Variants in NKAIN3 observed in about 807,000 individuals in gnomAD.
NKAIN3 encodes the protein sodium/potassium-transporting ATPase subunit beta-1-interacting protein 3.
In NKAIN3, 25 loss-of-function variants were observed where a neutral mutation model predicts 30.2. The ratio of observed to expected loss-of-function variants is 0.83; its 90% CI spans 0.60 to 1.16. The LOEUF is 1.16. NKAIN3 is among the 50% of genes most tolerant of loss of function. The probability of loss-of-function intolerance (pLI) is 0.00; values close to 1 mark genes in which losing one functional copy is unlikely to be tolerated. For synonymous variants in NKAIN3, 91 were observed against 89.6 expected (o/e 1.02, Z -0.09); for missense variants, 225 against 254.1 (o/e 0.89, Z 0.78).
chr8:62,898,367 G>A (rs1163690175), intron 4 of NKAIN3, among the ~76,000 whole-genome samples: 1 of 152,058 alleles, frequency 6.6e-6, no homozygotes, highest in Non-Finnish European at 1.5e-5. Flanking sequence ...TTCGCACCAG[G>A]GAATACTACC....
intron 3 of NKAIN3, among the ~76,000 whole-genome samples, chr8:62,695,366 T>A (rs1033718474): frequency 2.0e-5 from 3 of 152,122 alleles, no homozygotes; most frequent in African/African-American, 7.2e-5. Flanking sequence ...AGGAACAGCA[T>A]GGAAAGTGAA....
chr8:62,495,331 A>G (rs902269820), intron 1 of NKAIN3, among the ~76,000 whole-genome samples: 1 of 152,122 alleles, frequency 6.6e-6, no homozygotes, highest in Admixed American at 6.6e-5. Flanking sequence ...GTAAAAGGAA[A>G]GACAATCTAT....
At chr8:62,876,410 C>A (rs544936612) in intron 4 of NKAIN3, among the ~76,000 whole-genome samples, 28 of 152,252 alleles carry the variant, frequency 1.8e-4, no homozygotes, top group African/African-American at 6.7e-4. Context: ...TGTGGTGATT[C>A]CTCAATGATC....
At chr8:62,889,644 C>CA (rs1204557916) in intron 4 of NKAIN3, among the ~76,000 whole-genome samples, 1 of 151,972 alleles carries the variant, frequency 6.6e-6, no homozygotes, top group Non-Finnish European at 1.5e-5. Flanking sequence ...TTTTCTGGTT[C>CA]TTGTAAGTTG....
At chr8:62,962,236 TC>T (rs1646803767) in intron 6 of NKAIN3, among the ~76,000 whole-genome samples, 1 of 152,206 alleles carries the variant, frequency 6.6e-6, no homozygotes. Flanking sequence ...TTCACAAAAT[TC>T]TGTGTCCTTT....
intron 1 of NKAIN3, among the ~76,000 whole-genome samples, chr8:62,251,904 G>A (rs1563906670): frequency 6.6e-6 from 1 of 152,088 alleles, no homozygotes; most frequent in Non-Finnish European, 1.5e-5. Context: ...AAAATAATTA[G>A]GAAGGAATAA....
At chr8:62,797,433 G>C (rs553344203) in intron 4 of NKAIN3, among the ~76,000 whole-genome samples, 56 of 152,250 alleles carry the variant, frequency 3.7e-4, no homozygotes, top group African/African-American at 1.2e-3. Flanking sequence ...TTAAAATAAT[G>C]TTGGGAAAAA....
chr8:62,646,344 T>C (rs1812459692), intron 3 of NKAIN3, among the ~76,000 whole-genome samples: 1 of 152,126 alleles, frequency 6.6e-6, no homozygotes, highest in Admixed American at 6.6e-5. Flanking sequence ...CATTCAAAAC[T>C]GCAAAACAGA....
In NKAIN3 at chr8:62,252,569, C is replaced by T. The variant is rs115607418; in HGVS notation, c.54+3442C>T. ...TAGTTTTTCTCCAGGCTTCTGCCCTCAAGATGTTTGCCTCATGGTTTTCAT... is the reference window on the plus strand; with the variant it reads ...TAGTTTTTCTCCAGGCTTCTGCCCTTAAGATGTTTGCCTCATGGTTTTCAT... On this transcript the variant is annotated intron_variant, in intron 1 of 6. Coordinates refer to ENST00000623646, the MANE Select transcript of NKAIN3 (RefSeq NM_001304533.3). Among the ~76,000 whole-genome samples the T allele has an allele frequency of 6.0e-3, 916 of 151,632 alleles. 11 individuals carry two copies. Among genetic ancestry groups the T allele is most frequent in the African/African-American group, 0.021 (853 of 41,342 alleles).
intron 4 of NKAIN3, among the ~76,000 whole-genome samples, chr8:62,791,256 A>G (rs905934585): frequency 6.6e-6 from 1 of 152,240 alleles, no homozygotes; most frequent in African/African-American, 2.4e-5. Flanking sequence ...ACCAACAAGA[A>G]CATAAAATGA....
intron 4 of NKAIN3, chr8:62,855,145 C>T (rs1388719758): frequency 4.3e-6 from 1 of 232,498 alleles, no homozygotes; most frequent in South Asian, 6.5e-5. Flanking sequence ...GAGGACTACA[C>T]CTTCACCGTG....
chr8:62,667,342 ATTCTTTATATATATATC>A (rs1454427261), intron 3 of NKAIN3, among the ~76,000 whole-genome samples: 29,600 of 130,778 alleles, frequency 0.23, 3,366 homozygotes, highest in East Asian at 0.35. Context: ...TTATATATAT[ATTCTTTATATATATATC>A]TGTATATATA....
At chr8:62,433,756 TTTAAA>T (rs1805088354) in intron 1 of NKAIN3, among the ~76,000 whole-genome samples, 1 of 152,136 alleles carries the variant, frequency 6.6e-6, no homozygotes, top group Non-Finnish European at 1.5e-5. Flanking sequence ...AATTTAGTTA[TTTAAA>T]TTAATTGGAT....
Position 62,298,288 on chromosome 8 carries a change from G to A in NKAIN3, c.54+49161G>A, listed in dbSNP as rs868352937. Among the ~76,000 whole-genome samples the A allele has an allele frequency of 6.6e-5, 10 of 152,064 alleles. 1 individual carries two copies. The highest frequency in any genetic ancestry group is 1.9e-4 in the East Asian group (1 of 5,182). Reference sequence around the variant, plus strand: ...GTATACATATGTAACAAATCTGCACGTTGTGCATATGTACCCTAAAACTTA... The same window carrying A: ...GTATACATATGTAACAAATCTGCACATTGTGCATATGTACCCTAAAACTTA... On this transcript the variant is annotated intron_variant, in intron 1 of 6. Coordinates refer to ENST00000623646, the MANE Select transcript of NKAIN3 (RefSeq NM_001304533.3).
chr8:62,617,205 A>T (rs1445624840), intron 3 of NKAIN3, among the ~76,000 whole-genome samples: 1 of 152,142 alleles, frequency 6.6e-6, no homozygotes, highest in Non-Finnish European at 1.5e-5. Flanking sequence ...TTTGTAAATT[A>T]CCCAGTCTCA....
chr8:62,374,798 A>G (rs1336657973), intron 1 of NKAIN3, among the ~76,000 whole-genome samples: 1 of 152,228 alleles, frequency 6.6e-6, no homozygotes, highest in African/African-American at 2.4e-5. Flanking sequence ...TTAGTCTGTA[A>G]TGTTATAGCA....
At chr8:62,598,430 G>T (rs1810897614) in intron 3 of NKAIN3, among the ~76,000 whole-genome samples, 1 of 151,996 alleles carries the variant, frequency 6.6e-6, no homozygotes, top group African/African-American at 2.4e-5. Flanking sequence ...GAGGGAGGGT[G>T]GGGACATAAC....
intron 5 of NKAIN3, among the ~76,000 whole-genome samples, chr8:62,924,179 C>T (rs1822368785): frequency 6.6e-6 from 1 of 152,152 alleles, no homozygotes; most frequent in South Asian, 2.1e-4. Context: ...ATACCCAGGC[C>T]TTTGAGAGAG....
Position 62,734,281 on chromosome 8 carries a change from TCAAA to T in NKAIN3, c.274-12634_274-12631del, listed in dbSNP as rs888370751. Among the ~76,000 whole-genome samples the T allele has an allele frequency of 1.2e-4, 18 of 152,306 alleles. No homozygotes were observed. The East Asian group carries it at 1.9e-3, about 16-fold the overall frequency. On this transcript the variant is annotated intron_variant, in intron 3 of 6. Coordinates refer to ENST00000623646, the MANE Select transcript of NKAIN3 (RefSeq NM_001304533.3). ...CTGGGTGACAGAGCAAGTTCCTGTC[TCAAA>T]CAAACAAACAAACAAAACTTTTTAT...
Sources: gnomAD v4.1 joint callset for allele counts (sites outside exome capture counted in the v4.1 genomes callset) on GRCh38, gnomAD v4.1.1 for gene constraint, MANE v1.5 for transcripts, NCBI Gene and HGNC (gene_info 2026-07-23, HGNC 2026-07-21) for gene names.